DCHS2: variants seen among roughly 807,000 people sequenced by gnomAD.
DCHS2 encodes the protein dachsous cadherin-related 2.
A neutral mutation model predicts 182.4 loss-of-function variants in DCHS2; 142 were observed. The observed-to-expected ratio is 0.78, with a 90% CI of 0.68 to 0.89. DCHS2 has a LOEUF of 0.89. DCHS2 is among the 40% of genes least tolerant of loss of function. The pLI, the probability that DCHS2 is intolerant of heterozygous loss-of-function variation, is 0.00. For synonymous variants in DCHS2, 1,740 were observed against 1,663.3 expected (o/e 1.05, Z -1.12); for missense variants, 4,319 against 4,198.6 (o/e 1.03, Z -0.79).
At chr4:154,370,048 T>C (rs534325142) in intron 2 of DCHS2, among the ~76,000 whole-genome samples, 1 of 152,294 alleles carries the variant, frequency 6.6e-6, no homozygotes, top group Non-Finnish European at 1.5e-5. Flanking sequence ...TCAGCTCTTG[T>C]GAGCTGTGGT....
Position 154,240,577 on chromosome 4 carries a change from AC to A in DCHS2, c.7318del (p.Val2440SerfsTer28). 6.2e-7 allele frequency: 1 copy of A among 1,613,840 alleles called. No individual in the cohort carries two copies. The highest frequency in any genetic ancestry group is 8.5e-7 in the Non-Finnish European group (1 of 1,179,868). On this transcript the variant is annotated frameshift_variant, in exon 18 of 20. Coordinates refer to ENST00000357232, the MANE Select transcript of DCHS2 (RefSeq NM_001358235.2). LOFTEE classifies it high-confidence loss of function. ...AGAAAACACTGGTGGATTATCATTG[AC>A]ATCCAGCACACGGACTACAAGTGCT... is the stretch of plus-strand genomic sequence containing the variant. Reference protein sequence around the residue: ...EGALVVRVLDVNDNPPVFSQD... With the variant: ...EGALVVRVLDXNDNPPVFSQD...
chr4:154,342,919 C>A (rs1367586448), intron 3 of DCHS2, among the ~76,000 whole-genome samples: 7 of 152,160 alleles, frequency 4.6e-5, no homozygotes, highest in Non-Finnish European at 1.0e-4. Flanking sequence ...GCAACTATAG[C>A]CTTAGGAAAT....
intron 1 of DCHS2, among the ~76,000 whole-genome samples, chr4:154,413,479 A>G (rs2110896510): frequency 6.6e-6 from 1 of 152,350 alleles, no homozygotes; most frequent in East Asian, 1.9e-4. Context: ...CAAGTTTTAT[A>G]TAACATCTCA....
intron 10 of DCHS2, among the ~76,000 whole-genome samples, chr4:154,313,529 C>T (rs1310854067): frequency 6.6e-6 from 1 of 151,860 alleles, no homozygotes. Context: ...ATAAAGTAAA[C>T]CATTCATAAA....
At chr4:154,481,132 G>A (rs1198493198) in intron 1 of DCHS2, among the ~76,000 whole-genome samples, 2 of 152,166 alleles carry the variant, frequency 1.3e-5, no homozygotes. Context: ...GACTGAATTT[G>A]GGATGGAAGC....
intron 16 of DCHS2, 51 bp from the exon 17 acceptor site, chr4:154,242,823 A>G: frequency 6.5e-7 from 1 of 1,549,198 alleles, no homozygotes; most frequent in Non-Finnish European, 8.7e-7. Flanking sequence ...AGGAATTAGA[A>G]AAACAACATA....
At chr4:154,477,187 T>C (rs986813667) in intron 1 of DCHS2, among the ~76,000 whole-genome samples, 1 of 152,186 alleles carries the variant, frequency 6.6e-6, no homozygotes, top group African/African-American at 2.4e-5. Flanking sequence ...AGGGCCCTCC[T>C]CCTGGTTTGT....
chr4:154,282,879 T>G (rs2111239178), intron 13 of DCHS2, among the ~76,000 whole-genome samples: 1 of 152,298 alleles, frequency 6.6e-6, no homozygotes, highest in Admixed American at 6.5e-5. Flanking sequence ...TCCTGTTATA[T>G]GCTACAAAAT....
At chr4:154,343,535 T>C (rs1578988549) in intron 3 of DCHS2, 1 of 1,521,952 alleles carries the variant, frequency 6.6e-7, no homozygotes, top group Non-Finnish European at 8.8e-7. Flanking sequence ...CACTTGCTGC[T>C]TCATCTTGCA....
intron 11 of DCHS2, 79 bp from the exon 12 acceptor site, chr4:154,304,957 C>G: frequency 6.6e-7 from 1 of 1,513,880 alleles, no homozygotes; most frequent in Non-Finnish European, 8.8e-7. Context: ...TAGACAATGT[C>G]AGGCTAACCA....
chr4:154,240,001 A>T (rs1309234664), intron 18 of DCHS2, among the ~76,000 whole-genome samples: 1 of 152,148 alleles, frequency 6.6e-6, no homozygotes, highest in Admixed American at 6.6e-5. Flanking sequence ...TTGTGTTTAC[A>T]CTTAAATCTT....
chr4:154,268,123 T>C (rs1359983418), intron 14 of DCHS2, among the ~76,000 whole-genome samples: 1 of 152,216 alleles, frequency 6.6e-6, no homozygotes, highest in African/African-American at 2.4e-5. Flanking sequence ...TTTTTCTTTC[T>C]TCACAATTTC....
At chr4:154,293,427 C>T (rs1301487198) in intron 13 of DCHS2, among the ~76,000 whole-genome samples, 1 of 152,082 alleles carries the variant, frequency 6.6e-6, no homozygotes, top group African/African-American at 2.4e-5. Context: ...GGTGATCCAC[C>T]CACCCCGGCT....
chr4:154,445,744 T>C (rs1734257362), intron 1 of DCHS2, among the ~76,000 whole-genome samples: 1 of 150,312 alleles, frequency 6.7e-6, no homozygotes, highest in Admixed American at 6.7e-5. Flanking sequence ...CTAGGAGTTC[T>C]AGGCTGCAGT....
At chr4:154,276,567 A>T (rs1021032574) in intron 13 of DCHS2, among the ~76,000 whole-genome samples, 2 of 152,220 alleles carry the variant, frequency 1.3e-5, no homozygotes, top group African/African-American at 4.8e-5. Context: ...CTTATTGATG[A>T]CTGACTTGAG....
At chr4:154,451,715 T>G (rs1454689378) in intron 1 of DCHS2, among the ~76,000 whole-genome samples, 1 of 151,924 alleles carries the variant, frequency 6.6e-6, no homozygotes, top group Admixed American at 6.5e-5. Context: ...AGGGCAGAAC[T>G]TCAAATACTG....
chr4:154,293,945 C>A (rs1561018404), intron 13 of DCHS2, among the ~76,000 whole-genome samples: 1 of 152,148 alleles, frequency 6.6e-6, no homozygotes, highest in South Asian at 2.1e-4. Flanking sequence ...TCTCCCCGAC[C>A]CTTCCCTCTT....
Position 154,329,624 on chromosome 4 carries a change from G to C in DCHS2, c.3817C>G (p.Pro1273Ala). The change falls in exon 6 of 20, where the codon CCA (proline) becomes GCA (alanine). Residue 1273 changes from proline (P) to alanine (A), a missense_variant. By Grantham distance (27) the Pro-to-Ala change is conservative (BLOSUM62 -1). Transcript: ENST00000357232. ...TVLVTDRGSP[P>A]RNATMAVYVS... is the part of the protein sequence containing the mutation. ...TAAACCGCCATGGTGGCGTTTCGTG[G>C]TGGGGAGCCGCGGTCTGTCACTAGC... 1 of 1,612,874 alleles carries C rather than the reference G, an allele frequency of 6.2e-7. No individual in the cohort carries two copies. The highest frequency in any genetic ancestry group is 8.5e-7 in the Non-Finnish European group (1 of 1,179,864).
rs1043043410 is a variant in DCHS2, at chr4:154,320,370, G to T, written c.5020+9C>A. 4.3e-6 allele frequency: 7 copies of T among 1,610,730 alleles called. No individual in the cohort carries two copies. Among genetic ancestry groups the T allele is most frequent in the Middle Eastern group, 3.3e-4 (2 of 6,042 alleles). ...AATATTTTTAAAAGTGACATATAGG[G>T]CACTGTACCTGATGACTCATCTAGC... On this transcript the variant is annotated intron_variant, in intron 9 of 19. Coordinates refer to ENST00000357232, the MANE Select transcript of DCHS2 (RefSeq NM_001358235.2).
Sources: allele counts gnomAD v4.1 joint callset (sites outside exome capture counted in the v4.1 genomes callset), GRCh38; gene constraint gnomAD v4.1.1; transcripts MANE v1.5; gene names NCBI Gene and HGNC (gene_info 2026-07-23, HGNC 2026-07-21).